SKAP1: variants seen among roughly 807,000 people sequenced by gnomAD.
SKAP1 encodes src kinase-associated phosphoprotein 1.
A neutral mutation model predicts 58.5 loss-of-function variants in SKAP1; 44 were observed. The observed-to-expected ratio is 0.75, with a 90% CI of 0.59 to 0.97. SKAP1 has a LOEUF of 0.97. SKAP1 is among the 50% of genes least tolerant of loss of function. The pLI, the probability that SKAP1 is intolerant of heterozygous loss-of-function variation, is 0.00. For synonymous variants in SKAP1, 127 were observed against 149.7 expected (o/e 0.85, Z 1.11); for missense variants, 390 against 435.2 (o/e 0.90, Z 0.92).
chr17:48,417,755 A>G (rs926511212), intron 1 of SKAP1, among the ~76,000 whole-genome samples: 22 of 152,094 alleles, frequency 1.4e-4, no homozygotes, highest in Non-Finnish European at 2.8e-4. Context: ...AAAAAAAAAA[A>G]AAAAAAGAAA....
rs776327947 is a variant in SKAP1 at position 48,397,807 on chromosome 17, G to C, written c.47-1022C>G. On this transcript the variant is annotated intron_variant, in intron 1 of 12. Coordinates refer to ENST00000336915, the MANE Select transcript of SKAP1 (RefSeq NM_003726.4). ...TAATGTGAACATATATTATAAAATAGGGACATGATAGAAATACATAATATG... is the reference window on the plus strand; with the variant it reads ...TAATGTGAACATATATTATAAAATACGGACATGATAGAAATACATAATATG... Among the ~76,000 whole-genome samples the C allele has an allele frequency of 8.5e-5, 13 of 152,302 alleles. 1 individual carries two copies. In the South Asian group the frequency reaches 1.4e-3, roughly 17 times the overall value.
At chr17:48,231,956 A>G (rs544143208) in intron 4 of SKAP1, 1 of 152,390 alleles carries the variant, frequency 6.6e-6, no homozygotes, top group East Asian at 1.9e-4. Flanking sequence ...ATAATCTGAG[A>G]AACTGAAGTC....
chr17:48,211,163 T>C (rs2064867636), intron 4 of SKAP1, among the ~76,000 whole-genome samples: 1 of 152,148 alleles, frequency 6.6e-6, no homozygotes, highest in South Asian at 2.1e-4. Flanking sequence ...TTATCTGGGC[T>C]GGGTGCAGTG....
At chr17:48,281,496 T>C (rs1462476459) in intron 4 of SKAP1, among the ~76,000 whole-genome samples, 1 of 152,262 alleles carries the variant, frequency 6.6e-6, no homozygotes, top group African/African-American at 2.4e-5. Context: ...TCATTTAGGC[T>C]GGCAGGCAGA....
intron 1 of SKAP1, among the ~76,000 whole-genome samples, chr17:48,417,274 C>T (rs574798485): frequency 6.6e-6 from 1 of 152,242 alleles, no homozygotes; most frequent in African/African-American, 2.4e-5. Flanking sequence ...TTTCCTTCTA[C>T]CTCCTGTAGA....
chr17:48,391,653 G>T (rs939867018), intron 2 of SKAP1, among the ~76,000 whole-genome samples: 1 of 152,112 alleles, frequency 6.6e-6, no homozygotes, highest in Admixed American at 6.5e-5. Flanking sequence ...CTTTAAGGAT[G>T]GGAGGGAGGG....
intron 4 of SKAP1, among the ~76,000 whole-genome samples, chr17:48,197,893 C>T (rs908644867): frequency 6.6e-6 from 1 of 151,706 alleles, no homozygotes; most frequent in Non-Finnish European, 1.5e-5. Context: ...TTGCAAGATG[C>T]TCTCTTCCAC....
chr17:48,430,229 CGCCGCCCGCCCAGCCCG>C (rs1405801147), upstream of SKAP1: 3 of 864,104 alleles, frequency 3.5e-6, no homozygotes, highest in African/African-American at 1.8e-5. Context: ...CAGCCGCGGT[CGCCGCCCGCCCAGCCCG>C]GCCGCGGGGC....
At chr17:48,167,690 G>A (rs1274079490) in intron 10 of SKAP1, among the ~76,000 whole-genome samples, 1 of 152,126 alleles carries the variant, frequency 6.6e-6, no homozygotes, top group Non-Finnish European at 1.5e-5. Context: ...ACTGAAGGAG[G>A]TACGGGTGGG....
At position 48,184,864 on chromosome 17, in the gene SKAP1, C is replaced by A. The variant is rs754443812; in HGVS notation, c.443-17G>T. On this transcript the variant is annotated splice_polypyrimidine_tract_variant and intron_variant, in intron 6 of 12. Transcript: ENST00000336915. ...GCTGCTTGCCTGCAAGACAGGAAAGCTCCCTGTATCCCTAGAGAGATGCAA... is the reference window on the plus strand; with the variant it reads ...GCTGCTTGCCTGCAAGACAGGAAAGATCCCTGTATCCCTAGAGAGATGCAA... The A allele has an allele frequency of 2.5e-6, 4 of 1,611,910 alleles. No individual in the cohort carries two copies. The highest frequency in any genetic ancestry group is 2.5e-6 in the Non-Finnish European group (3 of 1,179,012).
chr17:48,162,291 A>T (rs1488533473), intron 11 of SKAP1, among the ~76,000 whole-genome samples, 178 bp downstream of exon 11: 1 of 152,204 alleles, frequency 6.6e-6, no homozygotes, highest in Non-Finnish European at 1.5e-5. Flanking sequence ...AAATGTGAAA[A>T]TGGTTCCTGA....
chr17:48,426,126 T>C (rs1273291432), intron 1 of SKAP1, among the ~76,000 whole-genome samples: 2 of 152,242 alleles, frequency 1.3e-5, no homozygotes, highest in Non-Finnish European at 2.9e-5. Context: ...GTTGGAATTT[T>C]ACTATACTGA....
At chr17:48,155,331 T>A (rs2143198266) in intron 11 of SKAP1, among the ~76,000 whole-genome samples, 1 of 151,290 alleles carries the variant, frequency 6.6e-6, no homozygotes, top group East Asian at 2.1e-4. Context: ...TTTTGCCATG[T>A]TGGCCAGGCT....
At chr17:48,385,177 G>C (rs2067260609) in intron 2 of SKAP1, among the ~76,000 whole-genome samples, 1 of 152,166 alleles carries the variant, frequency 6.6e-6, no homozygotes, top group East Asian at 1.9e-4. Flanking sequence ...GGCAATTGGA[G>C]ACCTGGGTAC....
At chr17:48,319,700 G>T (rs940606455) in intron 4 of SKAP1, among the ~76,000 whole-genome samples, 10 of 152,114 alleles carry the variant, frequency 6.6e-5, no homozygotes, top group African/African-American at 2.4e-4. Flanking sequence ...AAATTAGCTG[G>T]GTGTAGTGGT....
intron 3 of SKAP1, among the ~76,000 whole-genome samples, chr17:48,356,576 G>A (rs989517991): frequency 1.3e-5 from 2 of 152,206 alleles, no homozygotes; most frequent in African/African-American, 4.8e-5. Context: ...CTCTGTGTGT[G>A]TGGCATATGT....
chr17:48,327,565 A>C (rs897234910), intron 4 of SKAP1, among the ~76,000 whole-genome samples: 1 of 152,152 alleles, frequency 6.6e-6, no homozygotes, highest in African/African-American at 2.4e-5. Context: ...TTATCCATTT[A>C]AGTACAGGAA....
chr17:48,425,883 C>G (rs1420349626), intron 1 of SKAP1, among the ~76,000 whole-genome samples: 1 of 152,164 alleles, frequency 6.6e-6, no homozygotes, highest in Non-Finnish European at 1.5e-5. Context: ...ACATCCTAAA[C>G]AATATATTAC....
At position 48,137,336 on chromosome 17, in the gene SKAP1, T is replaced by C. The variant is rs1217685535; in HGVS notation, c.980A>G (p.Glu327Gly). ...RGDLIRILSK[E>G]YNMYGWWVGE... The stretch of plus-strand genomic sequence containing the variant: ...CACCCACCAGCCATACATGTTATAC[T>C]CCTGAAAAGTGAAAAGAGGATAGCG... The change falls in exon 12 of 13, where the codon GAG (glutamate) becomes GGG (glycine). Residue 327 changes from glutamate to glycine, a missense_variant and splice_region_variant. Glu to Gly is a moderately conservative substitution (Grantham distance 98). Coordinates refer to ENST00000336915, the MANE Select transcript of SKAP1 (RefSeq NM_003726.4). 3.1e-6 allele frequency: 5 copies of C among 1,607,670 alleles called. No homozygotes were observed. The highest frequency in any genetic ancestry group is 2.6e-6 in the Non-Finnish European group (3 of 1,174,308).
Sources: gnomAD v4.1 joint callset for allele counts (sites outside exome capture counted in the v4.1 genomes callset) on GRCh38, gnomAD v4.1.1 for gene constraint, MANE v1.5 for transcripts, NCBI Gene and HGNC (gene_info 2026-07-23, HGNC 2026-07-21) for gene names.